The following EFHC2 variants were observed in gnomAD, a reference collection of about 807,000 sequenced individuals.
The protein encoded by EFHC2 is EF-hand domain-containing family member C2.
Under a neutral mutation model 52.7 loss-of-function variants are expected in EFHC2, and 18 were observed. The ratio of observed to expected loss-of-function variants is 0.34; its 90% CI spans 0.24 to 0.51. The LOEUF (loss-of-function observed/expected upper bound fraction) is 0.51. Among genes scored for constraint, EFHC2 ranks in the 20% least tolerant of loss-of-function variants. The pLI is 0.97. For synonymous variants in EFHC2, 203 were observed against 204.1 expected, an observed-to-expected ratio of 0.99 and a Z score of 0.04; for missense variants, 513 against 562.5, an observed-to-expected ratio of 0.91 and a Z score of 0.89.
chrX:44,307,921 G>A lies in EFHC2; in HGVS notation c.231+4647C>T, dbSNP rs370661048. 3.6e-4 allele frequency among the ~76,000 whole-genome samples: 35 copies of A among 97,841 alleles called. 1 individual carries two copies. In the East Asian group the frequency reaches 9.3e-3, roughly 26 times the overall value. The allele number at this position is 97,841 out of a possible 115,157, so 85.0% of individuals were successfully genotyped here. On this transcript the variant is annotated intron_variant, in intron 2 of 14. Transcript: ENST00000420999. The stretch of plus-strand genomic sequence containing the variant: ...TGCACTCCAGACTGGGCTACAGAGC[G>A]AGACTTTGTCTCAAAAAAAAAAAAA...
At chrX:44,212,307 C>T (rs2037105930) in intron 11 of EFHC2, among the ~76,000 whole-genome samples, 1 of 111,862 alleles carries the variant, frequency 8.9e-6, no homozygotes, top group Non-Finnish European at 1.9e-5. Flanking sequence ...CGAGCCTGCA[C>T]TTAAGTGAAT....
At chrX:44,277,886 A>C (rs2037672099) in intron 2 of EFHC2, among the ~76,000 whole-genome samples, 1 of 110,751 alleles carries the variant, frequency 9.0e-6, no homozygotes, top group Non-Finnish European at 1.9e-5. Flanking sequence ...ACATGTATGT[A>C]ATAAATTTAT....
chrX:44,300,735 G>A (rs1473909896), intron 2 of EFHC2, among the ~76,000 whole-genome samples: 1 of 111,548 alleles, frequency 9.0e-6, no homozygotes, highest in African/African-American at 3.3e-5. Context: ...TAGTGATTAT[G>A]GTTTAGGAGT....
At chrX:44,181,299 A>AT (rs1305552683) in intron 11 of EFHC2, among the ~76,000 whole-genome samples, 1 of 109,325 alleles carries the variant, frequency 9.1e-6, no homozygotes, top group African/African-American at 3.3e-5. Context: ...AAGTATTTCC[A>AT]TTTTTTCTGA....
At chrX:44,310,494 G>A (rs2037940948) in intron 2 of EFHC2, 6 of 502,243 alleles carry the variant, frequency 1.2e-5, no homozygotes. Flanking sequence ...GCGCGGCAAA[G>A]GAGAGTGAGG....
chrX:44,323,477 T>G (rs923742257), intron 1 of EFHC2, among the ~76,000 whole-genome samples: 1 of 111,861 alleles, frequency 8.9e-6, no homozygotes, highest in African/African-American at 3.3e-5. Context: ...CCTTGAACCA[T>G]GCACTGAATT....
intron 11 of EFHC2, among the ~76,000 whole-genome samples, chrX:44,180,737 C>CAAATAAAT (rs1556000881): frequency 2.5e-4 from 24 of 95,536 alleles, no homozygotes; most frequent in Admixed American, 6.7e-4. Context: ...GACTCTGTCT[C>CAAATAAAT]AAATAAATAA....
At chrX:44,173,094 T>C (rs188866865) in intron 13 of EFHC2, among the ~76,000 whole-genome samples, 4 of 112,021 alleles carry the variant, frequency 3.6e-5, no homozygotes, top group East Asian at 2.8e-4. Context: ...TACCAAAATA[T>C]AGGGTTAGGA....
At chrX:44,234,114 C>A (rs2037299956) in intron 9 of EFHC2, among the ~76,000 whole-genome samples, 2 of 111,853 alleles carry the variant, frequency 1.8e-5, no homozygotes, top group African/African-American at 6.5e-5. Context: ...TATTAAATCT[C>A]TTGCATATTT....
chrX:44,243,498 G>T (rs1602172616), intron 7 of EFHC2, among the ~76,000 whole-genome samples: 1 of 111,889 alleles, frequency 8.9e-6, no homozygotes, highest in South Asian at 3.7e-4. Flanking sequence ...TGGTTGTTTG[G>T]TTTTTGTTTT....
At chrX:44,198,495 G>C (rs1329557893) in intron 11 of EFHC2, among the ~76,000 whole-genome samples, 1 of 111,655 alleles carries the variant, frequency 9.0e-6, no homozygotes, top group African/African-American at 3.3e-5. Context: ...ATTTTCCCCA[G>C]TGTAATTTTA....
intron 8 of EFHC2, among the ~76,000 whole-genome samples, chrX:44,236,132 T>C (rs1364645698): frequency 9.0e-6 from 1 of 111,689 alleles, no homozygotes; most frequent in Non-Finnish European, 1.9e-5. Context: ...CTTTTTACAT[T>C]GTAAGTATTC....
At chrX:44,240,020 T>C (rs757802631) in intron 8 of EFHC2, among the ~76,000 whole-genome samples, 6 of 112,200 alleles carry the variant, frequency 5.3e-5, no homozygotes, top group Admixed American at 3.8e-4. Context: ...CTCATAATAA[T>C]AGCACCAAGT....
chrX:44,289,685 T>C (rs1260738700), intron 2 of EFHC2, among the ~76,000 whole-genome samples: 3 of 94,140 alleles, frequency 3.2e-5, no homozygotes. Context: ...TTCTTTTTTT[T>C]TTTTTTTTTT....
intron 14 of EFHC2, among the ~76,000 whole-genome samples, chrX:44,157,778 C>T (rs2036620034): frequency 2.2e-5 from 2 of 88,924 alleles, no homozygotes; most frequent in South Asian, 1.2e-3. Flanking sequence ...CCCTACCCAC[C>T]CCGTCAACAG....
chrX:44,276,288 T>C (rs2037657463), intron 2 of EFHC2, among the ~76,000 whole-genome samples: 1 of 111,142 alleles, frequency 9.0e-6, no homozygotes, highest in South Asian at 3.8e-4. Context: ...ACTAGTCAGG[T>C]ATGGTGGTGC....
At chrX:44,215,528 T>G (rs2147308195) in intron 11 of EFHC2, among the ~76,000 whole-genome samples, 1 of 85,936 alleles carries the variant, frequency 1.2e-5, no homozygotes, top group South Asian at 6.8e-4. Flanking sequence ...CATACTTCCA[T>G]TGGGGGGGGG....
intron 2 of EFHC2, among the ~76,000 whole-genome samples, chrX:44,283,117 T>C (rs1220987962): frequency 8.9e-6 from 1 of 111,987 alleles, no homozygotes; most frequent in African/African-American, 3.2e-5. Flanking sequence ...CTTGTAGTCA[T>C]TTCATGGACT....
At chrX:44,176,050 G>A (rs1168368347) in intron 13 of EFHC2, among the ~76,000 whole-genome samples, 3 of 112,303 alleles carry the variant, frequency 2.7e-5, no homozygotes, top group Non-Finnish European at 5.6e-5. Context: ...GGAATCTGTG[G>A]ATCTATAAGT....
Sources: gnomAD v4.1 joint callset for allele counts (sites outside exome capture counted in the v4.1 genomes callset) on GRCh38, gnomAD v4.1.1 for gene constraint, MANE v1.5 for transcripts, NCBI Gene and HGNC (gene_info 2026-07-23, HGNC 2026-07-21) for gene names.